The following SLC5A10 variants were observed in gnomAD, a reference collection of about 807,000 sequenced individuals.
SLC5A10 encodes the protein sodium/mannose cotransporter SLC5A10.
In SLC5A10, 55 loss-of-function variants were observed where a neutral mutation model predicts 68.9. The ratio of observed to expected loss-of-function variants is 0.80; its 90% CI spans 0.64 to 1.00. The LOEUF is 1.00. Ranked by LOEUF, SLC5A10 falls within the 50% of genes least tolerant of loss-of-function variation. The probability of loss-of-function intolerance (pLI) is 0.00; values close to 1 mark genes in which losing one functional copy is unlikely to be tolerated. For synonymous variants in SLC5A10, 344 were observed against 344.8 expected (o/e 1.00, Z 0.02); for missense variants, 732 against 819.3 (o/e 0.89, Z 1.30).
chr17:19,011,044 A>G (rs568054703), intron 9 of SLC5A10, among the ~76,000 whole-genome samples: 2 of 152,172 alleles, frequency 1.3e-5, no homozygotes, highest in Non-Finnish European at 2.9e-5. Flanking sequence ...GTGTTCCCAG[A>G]AAGTCTCTTC....
intron 10 of SLC5A10, 57 bp from the exon 11 acceptor site, chr17:19,014,992 G>C: frequency 6.3e-7 from 1 of 1,575,190 alleles, no homozygotes; most frequent in Non-Finnish European, 8.7e-7. Flanking sequence ...AGGCGGGAGG[G>C]GTTCCCGGGG....
At chr17:19,009,935 G>A (rs941115586) in intron 9 of SLC5A10, among the ~76,000 whole-genome samples, 1 of 152,100 alleles carries the variant, frequency 6.6e-6, no homozygotes, top group Non-Finnish European at 1.5e-5. Context: ...GGCAGAAGGT[G>A]GGAAGGGTGT....
Position 19,004,265 on chromosome 17 carries a change from G to A in SLC5A10, c.983-9145G>A, listed in dbSNP as rs2043819370. ...GGGCCGGGAACTCAGGTGGGCGTGG[G>A]AAGGACGGGGCTGGGGCTGGGGCTG... On this transcript the variant is annotated intron_variant, in intron 9 of 14. Transcript: ENST00000395645. The surrounding 1 kb of genome is among the most constrained non-coding windows in gnomAD (Gnocchi z 5.4). The A allele has an allele frequency of 3.9e-6, 2 of 511,346 alleles. No individual in the cohort carries two copies. Among genetic ancestry groups the A allele is most frequent in the South Asian group, 2.4e-5 (1 of 42,506 alleles). 31.7% of individuals were successfully genotyped at this position (511,346 alleles called of 1,614,324 possible).
intron 5 of SLC5A10, among the ~76,000 whole-genome samples, chr17:18,961,134 G>A (rs565604666): frequency 6.6e-6 from 1 of 152,326 alleles, no homozygotes; most frequent in African/African-American, 2.4e-5. Context: ...CATATTAAGA[G>A]CAGGAGCACA....
intron 9 of SLC5A10, among the ~76,000 whole-genome samples, chr17:19,012,370 G>A (rs1474319364): frequency 1.3e-5 from 2 of 152,250 alleles, no homozygotes; most frequent in African/African-American, 4.8e-5. Flanking sequence ...TCTGGCCTGA[G>A]CCTGGGAAAT....
chr17:18,972,792 G>A (rs2042886319), intron 8 of SLC5A10, among the ~76,000 whole-genome samples: 1 of 152,116 alleles, frequency 6.6e-6, no homozygotes, highest in South Asian at 2.1e-4. Context: ...AGCCCAGGAG[G>A]TGGAGTTGAC....
intron 3 of SLC5A10, 115 bp downstream of exon 3, chr17:18,959,354 G>C (rs1251577703): frequency 7.2e-6 from 8 of 1,107,680 alleles, no homozygotes; most frequent in African/African-American, 6.1e-5. Context: ...GGTGGGCTCT[G>C]TGCAGTGCTG....
intron 9 of SLC5A10, 102 bp from the exon 10 acceptor site, chr17:19,013,308 A>C: frequency 6.5e-7 from 1 of 1,542,954 alleles, no homozygotes; most frequent in Non-Finnish European, 8.7e-7. Flanking sequence ...AGAGGCATTG[A>C]TGGAGCAGGT....
intron 9 of SLC5A10, among the ~76,000 whole-genome samples, chr17:19,008,551 G>A (rs182422206): frequency 9.3e-5 from 14 of 149,864 alleles, no homozygotes; most frequent in Non-Finnish European, 3.0e-5. Flanking sequence ...CCAGGCTGGC[G>A]TGCAGTGTCA....
intron 9 of SLC5A10, among the ~76,000 whole-genome samples, chr17:19,007,773 T>C (rs140071836): frequency 0.027 from 4,048 of 152,304 alleles, 87 homozygotes; most frequent in South Asian, 0.041. Context: ...GTTGATGAGG[T>C]CCAGTTTATC....
intron 11 of SLC5A10, 116 bp from the exon 12 acceptor site, chr17:19,019,307 C>A: frequency 1.5e-6 from 2 of 1,305,572 alleles, no homozygotes; most frequent in Non-Finnish European, 2.1e-6. Flanking sequence ...AGGGAGGAGG[C>A]TGGAGCTGGG....
intron 9 of SLC5A10, among the ~76,000 whole-genome samples, chr17:19,009,012 C>T (rs948276224): frequency 2.0e-5 from 3 of 150,918 alleles, no homozygotes; most frequent in Non-Finnish European, 3.0e-5. Context: ...AGGGCTTCAC[C>T]ATCTTGCCCA....
upstream of SLC5A10, chr17:18,951,477 G>C (rs943593370): frequency 6.6e-6 from 1 of 152,574 alleles, no homozygotes; most frequent in Non-Finnish European, 1.5e-5. Context: ...ATCATGTGCA[G>C]AACAGCCACG....
intron 5 of SLC5A10, among the ~76,000 whole-genome samples, chr17:18,966,540 G>C (rs946370021): frequency 1.3e-5 from 2 of 152,124 alleles, no homozygotes; most frequent in South Asian, 2.1e-4. Context: ...GAGGTGGGTG[G>C]ATCACCTGAG....
Position 18,977,771 on chromosome 17 carries a change from C to T in SLC5A10, c.982+782C>T, listed in dbSNP as rs374490985. On this transcript the variant is annotated intron_variant, in intron 9 of 14. Transcript: ENST00000395645. ...CCCGTTGGCCACTTGCTCTGAGTGGCGCCTCCGGAGAGGGACTGAGTGCTC... is the reference window on the plus strand; with the variant it reads ...CCCGTTGGCCACTTGCTCTGAGTGGTGCCTCCGGAGAGGGACTGAGTGCTC... 50 of 1,602,178 alleles carry T rather than the reference C, an allele frequency of 3.1e-5. No homozygotes were observed. Among genetic ancestry groups the T allele is most frequent in the Middle Eastern group, 3.3e-4 (2 of 6,040 alleles).
chr17:18,977,702 G>A, intron 9 of SLC5A10: 1 of 1,610,426 alleles, frequency 6.2e-7, no homozygotes, highest in South Asian at 1.1e-5. Context: ...GGTCCCTCGG[G>A]TTATATGGGG....
chr17:18,957,327 G>C (rs1267666448), intron 1 of SLC5A10, among the ~76,000 whole-genome samples: 1 of 152,126 alleles, frequency 6.6e-6, no homozygotes, highest in East Asian at 1.9e-4. Context: ...CTTACATGGA[G>C]GACAAAATTC....
intron 1 of SLC5A10, among the ~76,000 whole-genome samples, chr17:18,956,324 GAAGA>G (rs1309213238): frequency 6.6e-6 from 1 of 151,876 alleles, no homozygotes; most frequent in Non-Finnish European, 1.5e-5. Flanking sequence ...TTAAAGTCAG[GAAGA>G]AAGAGACCTG....
intron 1 of SLC5A10, among the ~76,000 whole-genome samples, chr17:18,956,764 C>T (rs890395962): frequency 6.6e-6 from 1 of 152,152 alleles, no homozygotes; most frequent in Non-Finnish European, 1.5e-5. Context: ...GCATGAGCCA[C>T]CACGCCTGGA....
Sources: gnomAD v4.1 joint callset for allele counts (sites outside exome capture counted in the v4.1 genomes callset) on GRCh38, gnomAD v4.1.1 for gene constraint, Gnocchi (gnomAD v3.1) non-coding constraint, MANE v1.5 for transcripts, NCBI Gene and HGNC (gene_info 2026-07-23, HGNC 2026-07-21) for gene names.